The following BCAS3 variants were observed in gnomAD, a reference collection of about 807,000 sequenced individuals.
BCAS3 encodes the protein BCAS4/BCAS3 fusion.
BCAS3 carries 53 observed loss-of-function variants against 116.1 expected under a neutral mutation model. That is an observed-to-expected ratio of 0.46 (90% confidence interval 0.37 to 0.57). The LOEUF is 0.57. BCAS3 is among the 20% of genes least tolerant of loss of function. BCAS3 has a pLI of 0.00. For missense variants in BCAS3, 917 were observed against 1,165.4 expected, an observed-to-expected ratio of 0.79 and a Z score of 3.10; for synonymous variants, 391 against 408.2, an observed-to-expected ratio of 0.96 and a Z score of 0.51.
At chr17:60,778,787 A>G (rs767521754) in intron 6 of BCAS3, among the ~76,000 whole-genome samples, 9 of 152,334 alleles carry the variant, frequency 5.9e-5, no homozygotes, top group Admixed American at 1.3e-4. Context: ...TAAAAAGATC[A>G]GCCCTAGTGT....
rs2049176591 is a variant in BCAS3 at position 61,261,236 on chromosome 17, A to G, written c.2426-107091A>G. Among the ~76,000 whole-genome samples the G allele has an allele frequency of 6.6e-6, 1 of 152,182 alleles. No individual in the cohort carries two copies. Among genetic ancestry groups the G allele is most frequent in the Non-Finnish European group, 1.5e-5 (1 of 68,032 alleles). ...GGACAGGGAAAGAAGGTTTGATGGC[A>G]GTTATTAAACACTGATTCAAGAATA... On this transcript the variant is annotated intron_variant, in intron 22 of 23. Transcript: ENST00000407086. The surrounding 1 kb of genome is among the most constrained non-coding windows in gnomAD (Gnocchi z 4.4).
At position 61,162,494 on chromosome 17, in the gene BCAS3, A is replaced by C. The variant is rs1162759073; in HGVS notation, c.2425+77930A>C. Among the ~76,000 whole-genome samples the C allele has an allele frequency of 1.3e-5, 2 of 152,240 alleles. No homozygotes were observed. The highest frequency in any genetic ancestry group is 2.9e-5 in the Non-Finnish European group (2 of 68,042). The stretch of plus-strand genomic sequence containing the variant: ...ATTTTATTTGAAGGTATCCTGACAG[A>C]ATTTCTGCCTATCTTTTTTCCTGCT... On this transcript the variant is annotated intron_variant, in intron 22 of 23. Coordinates refer to ENST00000407086, the MANE Select transcript of BCAS3 (RefSeq NM_017679.5). This position sits in a 1 kb window ranked among gnomAD's most constrained non-coding sequence, Gnocchi z 5.6.
At position 61,140,171 on chromosome 17, in the gene BCAS3, AG is replaced by A. The variant is rs2076843638; in HGVS notation, c.2425+55609del. ...AGAATCACTGGAACCCAGAAGGCGGAGGTTGCAGTGAGTCAGGATCACACCA... is the reference window on the plus strand; with the variant it reads ...AGAATCACTGGAACCCAGAAGGCGGAGTTGCAGTGAGTCAGGATCACACCA... On this transcript the variant is annotated intron_variant, in intron 22 of 23. Transcript: ENST00000407086. The surrounding 1 kb of genome is among the most constrained non-coding windows in gnomAD (Gnocchi z 4.2). Among the ~76,000 whole-genome samples the A allele has an allele frequency of 6.6e-6, 1 of 152,186 alleles. No homozygotes were observed. The highest frequency in any genetic ancestry group is 1.5e-5 in the Non-Finnish European group (1 of 68,022).
At chr17:60,985,519 A>G (rs1474051639) in intron 14 of BCAS3, among the ~76,000 whole-genome samples, 1 of 152,144 alleles carries the variant, frequency 6.6e-6, no homozygotes, top group Non-Finnish European at 1.5e-5. Context: ...TTATTGTGCT[A>G]TCAAATAGTA....
chr17:61,070,783 A>G (rs1049144392), intron 19 of BCAS3, among the ~76,000 whole-genome samples: 2 of 152,158 alleles, frequency 1.3e-5, no homozygotes, highest in African/African-American at 2.4e-5. Context: ...AGAAAGAATT[A>G]CTTGTCACAA....
In BCAS3 at chr17:61,377,359, T is replaced by C. The variant is rs1384647453; in HGVS notation, c.2593+8865T>C. 1.3e-5 allele frequency among the ~76,000 whole-genome samples: 2 copies of C among 152,060 alleles called. No homozygotes were observed. Among genetic ancestry groups the C allele is most frequent in the Non-Finnish European group, 2.9e-5 (2 of 68,010 alleles). On this transcript the variant is annotated intron_variant, in intron 23 of 23. Transcript: ENST00000407086. This position sits in a 1 kb window ranked among gnomAD's most constrained non-coding sequence, Gnocchi z 4.6. Reference sequence around the variant, plus strand: ...CCGGTGGCCTCGGCAGGGGTGGTGTTGTTGGTGTTGCTATTTGTGTCTCGG... The same window carrying C: ...CCGGTGGCCTCGGCAGGGGTGGTGTCGTTGGTGTTGCTATTTGTGTCTCGG...
chr17:61,164,381 G>A (rs1244612890), intron 22 of BCAS3, among the ~76,000 whole-genome samples: 1 of 152,072 alleles, frequency 6.6e-6, no homozygotes, highest in African/African-American at 2.4e-5. Context: ...GTCTGGGCAT[G>A]GTAGTTCACA....
At position 61,349,972 on chromosome 17, in the gene BCAS3, A is replaced by G. The variant is rs2057732773; in HGVS notation, c.2426-18355A>G. Among the ~76,000 whole-genome samples the G allele has an allele frequency of 6.6e-6, 1 of 152,184 alleles. No homozygotes were observed. Among genetic ancestry groups the G allele is most frequent in the Non-Finnish European group, 1.5e-5 (1 of 68,026 alleles). ...TAAGATCAATAATCTCTCCTGAACA[A>G]TTGGCTTTGGGACATTGTCTTTCTA... On this transcript the variant is annotated intron_variant, in intron 22 of 23. Transcript: ENST00000407086. This position sits in a 1 kb window ranked among gnomAD's most constrained non-coding sequence, Gnocchi z 4.7.
intron 7 of BCAS3, among the ~76,000 whole-genome samples, chr17:60,826,422 G>A (rs775881060): frequency 1.4e-4 from 21 of 151,930 alleles, no homozygotes; most frequent in Non-Finnish European, 8.8e-5. Context: ...TGATTCTCTC[G>A]TGTCGGCCTC....
chr17:60,994,178 A>G lies in BCAS3; in HGVS notation c.1486+3943A>G, dbSNP rs1032580127. Among the ~76,000 whole-genome samples, 5 of 152,118 alleles carry G rather than the reference A, an allele frequency of 3.3e-5. No homozygotes were observed. The highest frequency in any genetic ancestry group is 3.3e-4 in the Admixed American group (5 of 15,278). On this transcript the variant is annotated intron_variant, in intron 15 of 23. Transcript: ENST00000407086. This position sits in a 1 kb window ranked among gnomAD's most constrained non-coding sequence, Gnocchi z 4.4. ...ACTCATATCACTTTATATATGAAAT[A>G]TATATCTTGAAGTATCTTGCATTAT...
chr17:60,830,194 T>G (rs1459819190), intron 7 of BCAS3, among the ~76,000 whole-genome samples: 2 of 152,194 alleles, frequency 1.3e-5, no homozygotes, highest in African/African-American at 4.8e-5. Flanking sequence ...TTTCACCATG[T>G]TAGCCAGGCT....
intron 22 of BCAS3, among the ~76,000 whole-genome samples, chr17:61,135,090 G>A (rs548005860): frequency 6.6e-5 from 10 of 152,282 alleles, no homozygotes; most frequent in South Asian, 2.1e-4. Flanking sequence ...CCTAAACTGC[G>A]ACGTGTGAAG....
At chr17:61,006,612 A>G (rs1437879489) in intron 15 of BCAS3, among the ~76,000 whole-genome samples, 1 of 152,038 alleles carries the variant, frequency 6.6e-6, no homozygotes, top group East Asian at 1.9e-4. Flanking sequence ...TGGGGAGCAC[A>G]TTTCACCTCA....
intron 6 of BCAS3, among the ~76,000 whole-genome samples, chr17:60,777,875 T>C (rs2045455688): frequency 6.6e-6 from 1 of 152,228 alleles, no homozygotes; most frequent in African/African-American, 2.4e-5. Context: ...TTGCTGCCTT[T>C]CTTTCTTAGT....
intron 7 of BCAS3, among the ~76,000 whole-genome samples, chr17:60,843,939 C>A (rs2052235654): frequency 6.6e-6 from 1 of 152,178 alleles, no homozygotes; most frequent in Non-Finnish European, 1.5e-5. Context: ...GTTTTGCGCT[C>A]ATAGTGCCTG....
In BCAS3 at chr17:61,339,780, AG is replaced by A. The variant is rs1467379623; in HGVS notation, c.2426-28546del. ...GACCCCATCTAAAAAAAAAAAAAAA[AG>A]ACCAAGGAGATGAGTGGAAGAGCCA... On this transcript the variant is annotated intron_variant, in intron 22 of 23. Transcript: ENST00000407086. This position sits in a 1 kb window ranked among gnomAD's most constrained non-coding sequence, Gnocchi z 4.4. Among the ~76,000 whole-genome samples, 2 of 151,388 alleles carry A rather than the reference AG, an allele frequency of 1.3e-5. No individual in the cohort carries two copies. The highest frequency in any genetic ancestry group is 4.8e-5 in the African/African-American group (2 of 41,250).
chr17:61,374,202 T>C (rs1555860412), intron 23 of BCAS3, among the ~76,000 whole-genome samples: 5 of 144,212 alleles, frequency 3.5e-5, no homozygotes, highest in East Asian at 2.1e-4. Flanking sequence ...TTTTTTTTTT[T>C]CTCTGTCACC....
At chr17:61,089,929 G>A (rs1464573616) in intron 22 of BCAS3, among the ~76,000 whole-genome samples, 2 of 152,122 alleles carry the variant, frequency 1.3e-5, no homozygotes, top group East Asian at 3.9e-4. Flanking sequence ...GCTGTCAGAG[G>A]CATAGAGATG....
intron 22 of BCAS3, among the ~76,000 whole-genome samples, chr17:61,177,260 G>C (rs1025152187): frequency 6.6e-5 from 10 of 152,182 alleles, no homozygotes; most frequent in Non-Finnish European, 1.2e-4. Flanking sequence ...TGAAAGTTTA[G>C]TATCAGCTAT....
Sources: gnomAD v4.1 joint callset for allele counts (sites outside exome capture counted in the v4.1 genomes callset) on GRCh38, gnomAD v4.1.1 for gene constraint, Gnocchi (gnomAD v3.1) non-coding constraint, MANE v1.5 for transcripts, NCBI Gene and HGNC (gene_info 2026-07-23, HGNC 2026-07-21) for gene names.